ZNF467: variants seen among roughly 807,000 people sequenced by gnomAD.
The protein encoded by ZNF467 is zinc finger protein 467.
Under a neutral mutation model 47.8 loss-of-function variants are expected in ZNF467, and 51 were observed. The observed-to-expected ratio is 1.07, with a 90% CI of 0.85 to 1.35. ZNF467 has a LOEUF of 1.35. ZNF467 is among the 40% of genes most tolerant of loss of function. The probability of loss-of-function intolerance (pLI) is 0.00; values close to 1 mark genes in which losing one functional copy is unlikely to be tolerated. For missense variants in ZNF467, 992 were observed against 858.1 expected (o/e 1.16, Z -1.95); for synonymous variants, 416 against 372.9 (o/e 1.12, Z -1.33).
upstream of ZNF467, among the ~76,000 whole-genome samples, chr7:149,775,033 C>A (rs533895875): frequency 3.5e-4 from 53 of 152,276 alleles, no homozygotes; most frequent in African/African-American, 1.3e-3. Flanking sequence ...CTGCTGGGAC[C>A]AGGGTGGACC....
chr7:149,768,986 G>A (rs1799302997), intron 4 of ZNF467, 104 bp downstream of exon 4: 1 of 1,038,310 alleles, frequency 9.6e-7, no homozygotes, highest in South Asian at 1.7e-5. Flanking sequence ...TGGACTGCCT[G>A]TCTTGGGGGA....
In ZNF467 at chr7:149,765,985, G is replaced by C. The variant is rs79351230; in HGVS notation, c.517C>G (p.Leu173Val). ...GECERRFRDQLTLRLHQRLHR... is the reference protein window; with the variant it reads ...GECERRFRDQVTLRLHQRLHR... ...AGCCGCTGGTGCAGTCGCAACGTCA[G>C]CTGGTCCCGGAAGCGCCGCTCACAC... Residue 173 changes from leucine to valine, a missense_variant, in exon 5 of 5, where the codon CTG (leucine) becomes GTG (valine). Leu to Val is a conservative substitution (Grantham distance 32, BLOSUM62 1). Coordinates refer to ENST00000302017, the MANE Select transcript of ZNF467 (RefSeq NM_207336.3). The C allele has an allele frequency of 2.5e-4, 392 of 1,556,458 alleles. 1 individual carries two copies. In the East Asian group the frequency reaches 7.7e-3, roughly 30 times the overall value.
At position 149,764,977 on chromosome 7, in the gene ZNF467, G is replaced by A. The variant is rs1299821670; in HGVS notation, c.1525C>T (p.His509Tyr). The change falls in exon 5 of 5, where the codon CAC (histidine) becomes TAC (tyrosine). Residue 509 changes from histidine (H) to tyrosine (Y), a missense_variant. Physicochemically the swap from His to Tyr is moderately conservative, Grantham distance 83. Coordinates refer to ENST00000302017, the MANE Select transcript of ZNF467 (RefSeq NM_207336.3). The part of the protein sequence containing the change: ...KSHLGRHQAV[H>Y]TGSRPHACAV... Reference sequence around the variant, plus strand: ...CAGGCGTGGGGGCGGCTGCCAGTGTGCACCGCCTGGTGGCGGCCCAGGTGC... The same window carrying A: ...CAGGCGTGGGGGCGGCTGCCAGTGTACACCGCCTGGTGGCGGCCCAGGTGC... 6.3e-7 allele frequency: 1 copy of A among 1,591,614 alleles called. No homozygotes were observed.
At position 149,773,141 on chromosome 7, in the gene ZNF467, G is replaced by T. The variant is rs1005918455; in HGVS notation, c.-76C>A. ...CCGGCCGCTCCGCCCGCGCCGCGGGGACCCAGGCGCCCGGGCCTCCTGCCC... is the reference window on the plus strand; with the variant it reads ...CCGGCCGCTCCGCCCGCGCCGCGGGTACCCAGGCGCCCGGGCCTCCTGCCC... On this transcript the variant is annotated 5_prime_UTR_variant, in exon 1 of 5. Transcript: ENST00000302017. 6.6e-6 allele frequency: 1 copy of T among 150,422 alleles called. No individual in the cohort carries two copies. The highest frequency in any genetic ancestry group is 2.5e-5 in the African/African-American group (1 of 40,816). The allele number at this position is 150,422 out of a possible 1,614,324, so 9.3% of individuals were successfully genotyped here.
chr7:149,776,198 C>A, upstream of ZNF467: 1 of 1,097,924 alleles, frequency 9.1e-7, no homozygotes, highest in Non-Finnish European at 1.2e-6. Context: ...GGGATCCTCC[C>A]TCCACCCCCG....
At chr7:149,775,672 C>T (rs1563084289), upstream of ZNF467, among the ~76,000 whole-genome samples, 3 of 151,638 alleles carry the variant, frequency 2.0e-5, no homozygotes, top group Admixed American at 2.0e-4. Flanking sequence ...CCCAGAGCCC[C>T]ATGTTAATTT....
rs371683035 is a variant in ZNF467 at position 149,766,060 on chromosome 7, C to T, written c.442G>A (p.Ala148Thr). 3.0e-5 allele frequency: 48 copies of T among 1,607,578 alleles called. 1 individual carries two copies. Among genetic ancestry groups the T allele is most frequent in the Non-Finnish European group, 4.0e-5 (47 of 1,176,918 alleles). The change falls in exon 5 of 5, where the codon GCG (alanine) becomes ACG (threonine). Residue 148 changes from alanine (A) to threonine (T), a missense_variant. Ala to Thr is a moderately conservative substitution (Grantham distance 58). Coordinates refer to ENST00000302017, the MANE Select transcript of ZNF467 (RefSeq NM_207336.3). ...PGAPGALSGL[A>T]LSGWGPMPEK... ...GGCATCGGACCCCACCCAGACAGCG[C>T]GAGCCCACTCAGTGCCCCCGGGGCC...
At chr7:149,775,898 A>G (rs1002125428), upstream of ZNF467, 18 of 538,248 alleles carry the variant, frequency 3.3e-5, no homozygotes, top group South Asian at 2.4e-4. Flanking sequence ...AGCCCCCCAC[A>G]GCCCCCAGAA....
rs757497205 is a variant in ZNF467 at position 149,764,880 on chromosome 7, C to A, written c.1622G>T (p.Arg541Leu). 1.3e-6 allele frequency: 2 copies of A among 1,561,824 alleles called. No individual in the cohort carries two copies. The highest frequency in any genetic ancestry group is 1.7e-6 in the Non-Finnish European group (2 of 1,155,522). The change falls in exon 5 of 5, where the codon CGC (arginine) becomes CTC (leucine). Residue 541 changes from arginine to leucine, a missense_variant. By Grantham distance (102) the Arg-to-Leu change is moderately radical. Transcript: ENST00000302017. Reference sequence around the variant, plus strand: ...TCCGCACTGCGGGCAGGAGAAGGGGCGGGAGCCTGTGTGGATCGCCTGGTG... The same window carrying A: ...TCCGCACTGCGGGCAGGAGAAGGGGAGGGAGCCTGTGTGGATCGCCTGGTG... The part of the protein sequence containing the change: ...VRHQAIHTGS[R>L]PFSCPQCGKS...
rs368152481 is a variant in ZNF467, at chr7:149,773,485, GGGGGA to G, written c.-425_-421del. The G allele has an allele frequency of 0.061, 6,005 of 98,296 alleles. 532 individuals are homozygous for G. Among genetic ancestry groups the G allele is most frequent in the African/African-American group, 0.14 (2,479 of 17,854 alleles). 6.1% of individuals were successfully genotyped at this position (98,296 alleles called of 1,614,324 possible). On this transcript the variant is annotated 5_prime_UTR_variant, in exon 1 of 5. Transcript: ENST00000302017. ...AGGTGTGGAAGTGGGAGCTCAGGAC[GGGGGA>G]GGGGAGGGGAGGGGAGGGGAGGGTG...
chr7:149,765,559 A>C lies in ZNF467; in HGVS notation c.943T>G (p.Leu315Val). Residue 315 changes from leucine (L) to valine (V), a missense_variant, in exon 5 of 5, where the codon TTG becomes GTG. By Grantham distance (32) the Leu-to-Val change is conservative. Coordinates refer to ENST00000302017, the MANE Select transcript of ZNF467 (RefSeq NM_207336.3). ...CARSFTHKQH[L>V]VRHQRVHQTA... Reference sequence around the variant, plus strand: ...TGGTGCACCCTTTGGTGCCGCACCAAGTGCTGCTTGTGCGTGAAGCTGCGT... The same window carrying C: ...TGGTGCACCCTTTGGTGCCGCACCACGTGCTGCTTGTGCGTGAAGCTGCGT... 6.3e-7 allele frequency: 1 copy of C among 1,586,516 alleles called. No individual in the cohort carries two copies. The highest frequency in any genetic ancestry group is 8.6e-7 in the Non-Finnish European group (1 of 1,166,352).
In ZNF467 at chr7:149,764,505, G is replaced by A. The variant is rs758417097; in HGVS notation, c.*209C>T. 3.7e-5 allele frequency: 34 copies of A among 917,280 alleles called. No individual in the cohort carries two copies. In the South Asian group the frequency reaches 4.1e-4, roughly 11 times the overall value. 56.8% of individuals were successfully genotyped at this position (917,280 alleles called of 1,614,324 possible). ...AGCCTTCCAAGAACTTCAGCTCAGC[G>A]GTTCCCAGCAAGGGTTCGCTGAGTC... On this transcript the variant is annotated 3_prime_UTR_variant, in exon 5 of 5. Coordinates refer to ENST00000302017, the MANE Select transcript of ZNF467 (RefSeq NM_207336.3).
chr7:149,764,911 C>A lies in ZNF467; in HGVS notation c.1591G>T (p.Val531Phe). ...CCTGTGTGGATCGCCTGGTGGCGGA[C>A]TAGGTTGGTTTTGGAGCTGAAGCTG... ...ARSFSSKTNL[V>F]RHQAIHTGSR... is the part of the protein sequence containing the mutation. Residue 531 changes from valine (V) to phenylalanine (F), a missense_variant, in exon 5 of 5, where the codon GTC becomes TTC. By Grantham distance (50) the Val-to-Phe change is conservative (BLOSUM62 -1). Coordinates refer to ENST00000302017, the MANE Select transcript of ZNF467 (RefSeq NM_207336.3). 1 of 1,567,648 alleles carries A rather than the reference C, an allele frequency of 6.4e-7. No individual in the cohort carries two copies. Among genetic ancestry groups the A allele is most frequent in the Non-Finnish European group, 8.6e-7 (1 of 1,160,982 alleles).
In ZNF467 at chr7:149,765,118, T is replaced by C; in HGVS notation, c.1384A>G (p.Thr462Ala). Reference protein sequence around the residue: ...VHTGERPFACTQCDRRFGSRP... With the variant: ...VHTGERPFACAQCDRRFGSRP... The stretch of plus-strand genomic sequence containing the variant: ...GAGCCGAAGCGGCGGTCACACTGCG[T>C]GCAGGCGAAGGGCCGTTCGCCCGTG... The change falls in exon 5 of 5, where the codon ACG (threonine) becomes GCG (alanine). Residue 462 changes from threonine (T) to alanine (A), a missense_variant. Transcript: ENST00000302017. 3.4e-6 allele frequency: 5 copies of C among 1,475,824 alleles called. No homozygotes were observed. Among genetic ancestry groups the C allele is most frequent in the Non-Finnish European group, 4.5e-6 (5 of 1,117,690 alleles). 91.4% of individuals were successfully genotyped at this position (1,475,824 alleles called of 1,614,324 possible). A position where few individuals can be genotyped will look rare whatever the true frequency, so the allele number is the denominator to read the frequency against.
chr7:149,772,920 C>T (rs1426007227), intron 1 of ZNF467, among the ~76,000 whole-genome samples, 188 bp downstream of exon 1: 1 of 137,838 alleles, frequency 7.3e-6, no homozygotes, highest in Non-Finnish European at 1.6e-5. Context: ...CCTCACCCTG[C>T]CCGCGCCGGC....
In ZNF467 at chr7:149,769,178, C is replaced by T. The variant is rs761267112; in HGVS notation, c.174G>A (p.Glu58=). The stretch of plus-strand genomic sequence containing the variant: ...CGGCTTGTTCTGTGTGGGCACCTTC[C>T]TCCGGTGTAGGGGCCTCGTGCCCTG... ...VCSGHEAPTP[E]EGAHTEQAEA... Residue 58 remains glutamate (E), a synonymous_variant, in exon 4 of 5, where the codon GAG becomes GAA. Transcript: ENST00000302017. This position sits in a 1 kb window ranked among gnomAD's most constrained non-coding sequence, Gnocchi z 5.3. 10 of 1,559,850 alleles carry T rather than the reference C, an allele frequency of 6.4e-6. No individual in the cohort carries two copies. The highest frequency in any genetic ancestry group is 1.4e-5 in the African/African-American group (1 of 73,480).
chr7:149,771,087 G>T lies in ZNF467; in HGVS notation c.-42-13C>A. 1.9e-6 allele frequency: 3 copies of T among 1,612,472 alleles called. No individual in the cohort carries two copies. The highest frequency in any genetic ancestry group is 2.5e-6 in the Non-Finnish European group (3 of 1,178,702). On this transcript the variant is annotated splice_polypyrimidine_tract_variant and intron_variant, in intron 1 of 4. Coordinates refer to ENST00000302017, the MANE Select transcript of ZNF467 (RefSeq NM_207336.3). ...CAGGCCACAGAACCTATGGAGAAAA[G>T]ACAGCCTTGTTCAGATTTTTCCCAC...
rs925297189 is a variant in ZNF467 at position 149,769,395 on chromosome 7, C to G, written c.152-195G>C. ...CTGCCTCAGACTCCTTCAAGCAGGG[C>G]GGCTGCTAAGGGTATGTAATGAGAT... On this transcript the variant is annotated intron_variant, in intron 3 of 4. Transcript: ENST00000302017. The surrounding 1 kb of genome is among the most constrained non-coding windows in gnomAD (Gnocchi z 5.3). Among the ~76,000 whole-genome samples, 4 of 152,062 alleles carry G rather than the reference C, an allele frequency of 2.6e-5. No homozygotes were observed. The highest frequency in any genetic ancestry group is 9.7e-5 in the African/African-American group (4 of 41,388).
At chr7:149,776,052 C>A, upstream of ZNF467, 1 of 1,365,612 alleles carries the variant, frequency 7.3e-7, no homozygotes. Flanking sequence ...ATGCTACTCC[C>A]TGCCCTCCTC....
Sources: allele counts gnomAD v4.1 joint callset (sites outside exome capture counted in the v4.1 genomes callset), GRCh38; gene constraint gnomAD v4.1.1; non-coding constraint Gnocchi (gnomAD v3.1); transcripts MANE v1.5; gene names NCBI Gene and HGNC (gene_info 2026-07-23, HGNC 2026-07-21).